The following ZEB1 variants were observed in gnomAD, a reference collection of about 807,000 sequenced individuals.
The protein encoded by ZEB1 is zinc finger E-box-binding homeobox 1.
A neutral mutation model predicts 84.9 loss-of-function variants in ZEB1; 21 were observed. The observed-to-expected ratio is 0.25, with a 90% confidence interval of 0.18 to 0.36. ZEB1 has a LOEUF of 0.36. ZEB1 is among the 10% of genes least tolerant of loss of function. The pLI, the probability that ZEB1 is intolerant of heterozygous loss-of-function variation, is 1.00. For missense variants in ZEB1, 1,104 were observed against 1,330.2 expected (o/e 0.83, Z 2.65); for synonymous variants, 420 against 471.1 (o/e 0.89, Z 1.41).
chr10:31,352,532 G>A (rs772609435), intron 1 of ZEB1, among the ~76,000 whole-genome samples: 6 of 152,182 alleles, frequency 3.9e-5, no homozygotes, highest in Non-Finnish European at 7.3e-5. Context: ...AGAGTTGACT[G>A]AGTGAGTCTT....
chr10:31,426,699 A>T (rs1411569639), intron 1 of ZEB1, among the ~76,000 whole-genome samples: 1 of 152,142 alleles, frequency 6.6e-6, no homozygotes, highest in Non-Finnish European at 1.5e-5. Flanking sequence ...GTGCCTTTAC[A>T]ACAGAAATCT....
At chr10:31,460,914 C>A in intron 1 of ZEB1, 123 bp from the exon 2 acceptor site, 1 of 836,930 alleles carries the variant, frequency 1.2e-6, no homozygotes, top group Non-Finnish European at 1.9e-6. Flanking sequence ...TAGTTGTTAA[C>A]ATTATTTAAA....
chr10:31,502,574 C>T (rs2068309054), intron 4 of ZEB1, 65 bp downstream of exon 4: 1 of 1,597,742 alleles, frequency 6.3e-7, no homozygotes, highest in African/African-American at 1.3e-5. Flanking sequence ...TACCATTCTA[C>T]TATGGGAACC....
chr10:31,444,209 T>C (rs2059448366), intron 1 of ZEB1, among the ~76,000 whole-genome samples: 1 of 135,230 alleles, frequency 7.4e-6, no homozygotes, highest in Admixed American at 7.6e-5. Context: ...CATAAATGTC[T>C]TCTTTTGAGA....
At chr10:31,469,219 C>T (rs965310618) in intron 2 of ZEB1, among the ~76,000 whole-genome samples, 8 of 152,180 alleles carry the variant, frequency 5.3e-5, no homozygotes, top group Admixed American at 1.3e-4. Context: ...AGAAAATGGC[C>T]GAATAGGAAC....
chr10:31,474,155 G>A (rs1392191997), intron 2 of ZEB1, among the ~76,000 whole-genome samples: 2 of 152,206 alleles, frequency 1.3e-5, no homozygotes, highest in East Asian at 1.9e-4. Flanking sequence ...CACGGGCAAG[G>A]ACTTCATGTC....
chr10:31,386,986 G>T (rs1263199551), intron 1 of ZEB1: 1 of 705,322 alleles, frequency 1.4e-6, no homozygotes. Flanking sequence ...TTTTGTGAAT[G>T]AAGAGAATGT....
rs74127777 is a variant in ZEB1, at chr10:31,513,633, G to A, written c.688-970G>A. On this transcript the variant is annotated intron_variant, in intron 5 of 8. Transcript: ENST00000424869. ...AAAGGAAGGGAGATTCCAGCTGGAA[G>A]AGCATGAAGCAGTAGTTGAGTTAAG... 2.7e-3 allele frequency among the ~76,000 whole-genome samples: 406 copies of A among 152,284 alleles called. 4 individuals carry two copies. The highest frequency in any genetic ancestry group is 8.9e-3 in the African/African-American group (369 of 41,556).
intron 2 of ZEB1, among the ~76,000 whole-genome samples, chr10:31,483,128 G>A (rs2065271593): frequency 6.6e-6 from 1 of 151,990 alleles, no homozygotes; most frequent in Admixed American, 6.6e-5. Context: ...TAAAACACTG[G>A]AGGACTGGGA....
chr10:31,484,810 C>G (rs2065503831), intron 2 of ZEB1, among the ~76,000 whole-genome samples: 1 of 151,896 alleles, frequency 6.6e-6, no homozygotes, highest in Non-Finnish European at 1.5e-5. Context: ...CTCATTATCA[C>G]TATTGTATAA....
At chr10:31,375,718 C>A (rs924178254) in intron 1 of ZEB1, among the ~76,000 whole-genome samples, 1 of 151,094 alleles carries the variant, frequency 6.6e-6, no homozygotes, top group Admixed American at 6.6e-5. Context: ...AAATGAGTTG[C>A]GAATTACAGT....
intron 1 of ZEB1, among the ~76,000 whole-genome samples, chr10:31,426,515 A>G (rs1445268913): frequency 6.6e-6 from 1 of 152,170 alleles, no homozygotes; most frequent in Non-Finnish European, 1.5e-5. Context: ...CTGATTATAG[A>G]GTCAGTCTAA....
chr10:31,347,998 G>A (rs1451256065), intron 1 of ZEB1, among the ~76,000 whole-genome samples: 1 of 152,178 alleles, frequency 6.6e-6, no homozygotes. Flanking sequence ...AATCTTTGCT[G>A]TGCCACATAC....
chr10:31,409,340 A>G (rs1031745751), intron 1 of ZEB1, among the ~76,000 whole-genome samples: 2 of 152,136 alleles, frequency 1.3e-5, no homozygotes, highest in Non-Finnish European at 2.9e-5. Context: ...CAGTGTGGCG[A>G]TTCCTCAGGG....
chr10:31,321,646 C>A, intron 1 of ZEB1: 1 of 1,461,034 alleles, frequency 6.8e-7, no homozygotes, highest in African/African-American at 1.4e-5. Flanking sequence ...GAGTCTGAAC[C>A]ACCCAGCGTC....
intron 1 of ZEB1, among the ~76,000 whole-genome samples, chr10:31,393,749 C>T (rs1035907107): frequency 1.3e-5 from 2 of 152,124 alleles, no homozygotes; most frequent in Non-Finnish European, 2.9e-5. Flanking sequence ...CTTTCAAATA[C>T]ATTTAAGAAC....
intron 1 of ZEB1, among the ~76,000 whole-genome samples, chr10:31,454,101 G>A (rs1322033804): frequency 6.6e-6 from 1 of 152,026 alleles, no homozygotes. Context: ...AAGGCTGGCT[G>A]AACATACACA....
At chr10:31,491,090 A>T (rs1359357972) in intron 2 of ZEB1, among the ~76,000 whole-genome samples, 1 of 151,740 alleles carries the variant, frequency 6.6e-6, no homozygotes, top group Non-Finnish European at 1.5e-5. Flanking sequence ...AAGAGTTCAT[A>T]AACAGCCTTA....
At position 31,368,900 on chromosome 10, in the gene ZEB1, G is replaced by T. The variant is rs80174706; in HGVS notation, c.58+49608G>T. On this transcript the variant is annotated intron_variant, in intron 1 of 8. Transcript: ENST00000424869. ...TGATTTTAGGTGTTGCCTAATAAGT[G>T]CTCTGACTTTTGAAACCAGTTGAAC... Among the ~76,000 whole-genome samples, 5 of 152,252 alleles carry T rather than the reference G, an allele frequency of 3.3e-5. No individual in the cohort carries two copies. In the East Asian group the frequency reaches 9.6e-4, roughly 29 times the overall value.
Sources: gnomAD v4.1 joint callset for allele counts (sites outside exome capture counted in the v4.1 genomes callset) on GRCh38, gnomAD v4.1.1 for gene constraint, MANE v1.5 for transcripts, NCBI Gene and HGNC (gene_info 2026-07-23, HGNC 2026-07-21) for gene names.